TCF12: variants seen among roughly 807,000 people sequenced by gnomAD.
TCF12 encodes transcription factor 12.
In TCF12, 45 loss-of-function variants were observed where a neutral mutation model predicts 86.0. The observed-to-expected ratio is 0.52, with a 90% CI of 0.41 to 0.67. TCF12 has a LOEUF of 0.67. Ranked by LOEUF, TCF12 falls within the 30% of genes least tolerant of loss-of-function variation. The probability of loss-of-function intolerance (pLI) is 0.00; values close to 1 mark genes in which losing one functional copy is unlikely to be tolerated. For synonymous variants in TCF12, 330 were observed against 299.6 expected (o/e 1.10, Z -1.05); for missense variants, 881 against 859.9 (o/e 1.02, Z -0.31).
Position 57,247,561 on chromosome 15 carries a change from A to G in TCF12, c.1115-3789A>G. Reference sequence around the variant, plus strand: ...TAAAAGCAAATCCTGTCTTTTTTCCACTCTGCCTGTCTTCCATAACTTCTG... The same window carrying G: ...TAAAAGCAAATCCTGTCTTTTTTCCGCTCTGCCTGTCTTCCATAACTTCTG... On this transcript the variant is annotated intron_variant, in intron 13 of 20. Transcript: ENST00000333725. 4.4e-6 allele frequency: 4 copies of G among 910,090 alleles called. No individual in the cohort carries two copies. In the Admixed American group the frequency reaches 6.9e-5, roughly 16 times the overall value. The allele number at this position is 910,090 out of a possible 1,614,324, so 56.4% of individuals were successfully genotyped here. A position where few individuals can be genotyped will look rare whatever the true frequency, so the allele number is the denominator to read the frequency against.
chr15:57,185,839 G>A (rs1448734972), intron 6 of TCF12, among the ~76,000 whole-genome samples: 2 of 152,120 alleles, frequency 1.3e-5, no homozygotes, highest in Admixed American at 1.3e-4. Flanking sequence ...CCATGTTTGT[G>A]CCACTGCACT....
chr15:57,133,565 A>T (rs1234952791), intron 5 of TCF12, among the ~76,000 whole-genome samples: 1 of 150,774 alleles, frequency 6.6e-6, no homozygotes, highest in Non-Finnish European at 1.5e-5. Flanking sequence ...CCTGCGCCCC[A>T]CCGAGGTGAT....
At chr15:57,206,039 GT>G (rs111649379) in intron 8 of TCF12, among the ~76,000 whole-genome samples, 6,263 of 152,282 alleles carry the variant, frequency 0.041, 378 homozygotes, top group Admixed American at 0.17. Flanking sequence ...TTGGCTGCTG[GT>G]AAGATCTTAG....
intron 3 of TCF12, among the ~76,000 whole-genome samples, chr15:57,018,766 C>T (rs1192982228): frequency 6.6e-6 from 1 of 152,064 alleles, no homozygotes; most frequent in Admixed American, 6.6e-5. Flanking sequence ...TGAAAGGGCT[C>T]ATATTCCTCA....
chr15:57,053,617 C>CT lies in TCF12; in HGVS notation c.149-10119dup, dbSNP rs35913345. 4.1e-3 allele frequency among the ~76,000 whole-genome samples: 592 copies of CT among 145,172 alleles called. 4 individuals carry two copies. The highest frequency in any genetic ancestry group is 7.5e-3 in the African/African-American group (295 of 39,408). The stretch of plus-strand genomic sequence containing the variant: ...GTAAATATAACCTGTAGCCCATCAC[C>CT]TTTTTTTTTTTTTTGTAGATAAATT... On this transcript the variant is annotated intron_variant, in intron 3 of 20. Coordinates refer to ENST00000333725, the MANE Select transcript of TCF12 (RefSeq NM_207037.2).
intron 5 of TCF12, among the ~76,000 whole-genome samples, chr15:57,119,544 A>G (rs1408006901): frequency 1.3e-5 from 2 of 150,034 alleles, no homozygotes; most frequent in Non-Finnish European, 3.0e-5. Flanking sequence ...ATTGTAAACC[A>G]GCTAGTAAAA....
At chr15:57,215,184 T>C (rs1240274688) in intron 8 of TCF12, among the ~76,000 whole-genome samples, 1 of 152,174 alleles carries the variant, frequency 6.6e-6, no homozygotes, top group East Asian at 1.9e-4. Flanking sequence ...TGTTCAGATA[T>C]AAAACCTGGA....
At chr15:57,036,407 T>TA (rs762221321) in intron 3 of TCF12, among the ~76,000 whole-genome samples, 2 of 152,180 alleles carry the variant, frequency 1.3e-5, no homozygotes, top group Non-Finnish European at 2.9e-5. Context: ...GTAATAACTC[T>TA]AAGATTTTGA....
chr15:57,062,171 T>C (rs2141705892), intron 3 of TCF12, among the ~76,000 whole-genome samples: 1 of 152,252 alleles, frequency 6.6e-6, no homozygotes, highest in Non-Finnish European at 1.5e-5. Context: ...TTAGCCAGGA[T>C]GGTCTCGATC....
intron 5 of TCF12, among the ~76,000 whole-genome samples, chr15:57,163,527 C>T (rs1321404007): frequency 1.3e-5 from 2 of 151,810 alleles, no homozygotes; most frequent in Non-Finnish European, 2.9e-5. Flanking sequence ...CTATGAGACC[C>T]TGTCTCTACT....
chr15:57,037,099 A>G (rs569658085), intron 3 of TCF12, among the ~76,000 whole-genome samples: 1 of 152,302 alleles, frequency 6.6e-6, no homozygotes, highest in African/African-American at 2.4e-5. Context: ...AGGTGATAAA[A>G]TCTGGTAAGA....
At chr15:56,922,347 A>G (rs1407809017) in intron 3 of TCF12, among the ~76,000 whole-genome samples, 2 of 152,006 alleles carry the variant, frequency 1.3e-5, no homozygotes, top group South Asian at 2.1e-4. Context: ...TGGTAAATAT[A>G]TATAACTGGA....
chr15:57,011,544 G>A (rs1335782631), intron 3 of TCF12, among the ~76,000 whole-genome samples: 1 of 152,012 alleles, frequency 6.6e-6, no homozygotes, highest in East Asian at 1.9e-4. Flanking sequence ...TGTGAGAACG[G>A]CTTAATAAAA....
At chr15:57,096,700 C>G (rs1223509127) in intron 5 of TCF12, among the ~76,000 whole-genome samples, 1 of 152,130 alleles carries the variant, frequency 6.6e-6, no homozygotes, top group African/African-American at 2.4e-5. Context: ...ACATTCGGCA[C>G]AGATGCAACC....
intron 4 of TCF12, among the ~76,000 whole-genome samples, chr15:57,075,800 T>C (rs776949133): frequency 0.1 from 2,040 of 20,116 alleles, 38 homozygotes; most frequent in African/African-American, 0.17. Flanking sequence ...CTTTCTTTCT[T>C]TCTTTCTCTC....
chr15:57,030,887 A>T (rs1456985832), intron 3 of TCF12, among the ~76,000 whole-genome samples: 1 of 152,228 alleles, frequency 6.6e-6, no homozygotes, highest in African/African-American at 2.4e-5. Flanking sequence ...GATTTTAGAC[A>T]GTGTAACTGG....
chr15:57,007,772 T>TTCTTTCTTTCTTTCTC (rs1567241331), intron 3 of TCF12, among the ~76,000 whole-genome samples: 1 of 69,100 alleles, frequency 1.4e-5, no homozygotes, highest in African/African-American at 5.3e-5. Flanking sequence ...CTTTCTTTCT[T>TTCTTTCTTTCTTTCTC]TCTTTCTTTC....
Position 57,091,830 on chromosome 15 carries a change from C to CA in TCF12, c.265dup (p.Ser89LysfsTer7). The stretch of plus-strand genomic sequence containing the variant: ...CTCATTACAGTGATCACTTGAATGA[C>CA]AGTCGATTAGGAGCCCATGAAGGCT... On this transcript the variant is annotated frameshift_variant, in exon 5 of 21. Transcript: ENST00000333725. LOFTEE classifies it high-confidence loss of function. 1 of 1,613,856 alleles carries CA rather than the reference C, an allele frequency of 6.2e-7. No homozygotes were observed. The highest frequency in any genetic ancestry group is 8.5e-7 in the Non-Finnish European group (1 of 1,179,822).
intron 3 of TCF12, among the ~76,000 whole-genome samples, chr15:56,934,684 T>C (rs548828586): frequency 2.6e-5 from 4 of 152,314 alleles, no homozygotes; most frequent in South Asian, 2.1e-4. Context: ...AAGTATCTTA[T>C]GCGATTGTAT....
Sources: allele counts gnomAD v4.1 joint callset (sites outside exome capture counted in the v4.1 genomes callset), GRCh38; gene constraint gnomAD v4.1.1; transcripts MANE v1.5; gene names NCBI Gene and HGNC (gene_info 2026-07-23, HGNC 2026-07-21).